The following EYA2 variants were observed in gnomAD, a reference collection of about 807,000 sequenced individuals.
EYA2 encodes the protein protein phosphatase EYA2.
Under a neutral mutation model 69.2 loss-of-function variants are expected in EYA2, and 31 were observed. That is an observed-to-expected ratio of 0.45 (90% CI 0.34 to 0.60). The LOEUF is 0.60. EYA2 is among the 20% of genes least tolerant of loss of function. The probability of loss-of-function intolerance (pLI) is 0.02; values close to 1 mark genes in which losing one functional copy is unlikely to be tolerated. For missense variants in EYA2, 622 were observed against 701.2 expected (o/e 0.89, Z 1.28); for synonymous variants, 257 against 279.4 (o/e 0.92, Z 0.80).
chr20:46,905,686 C>T (rs1352584871), intron 1 of EYA2, among the ~76,000 whole-genome samples: 2 of 152,196 alleles, frequency 1.3e-5, no homozygotes, highest in Non-Finnish European at 2.9e-5. Context: ...GGCTGGGCAG[C>T]TCCTGGAGAG....
chr20:47,117,497 C>T (rs926060705), intron 9 of EYA2: 1 of 985,292 alleles, frequency 1.0e-6, no homozygotes, highest in Non-Finnish European at 1.2e-6. Context: ...CCACAGTCCT[C>T]CCCGATTCCT....
At chr20:46,967,135 A>C (rs1979838133) in intron 1 of EYA2, among the ~76,000 whole-genome samples, 1 of 152,210 alleles carries the variant, frequency 6.6e-6, no homozygotes, top group South Asian at 2.1e-4. Flanking sequence ...CTGGGACTAC[A>C]GGCACACACC....
chr20:47,044,799 C>T (rs947859652), intron 5 of EYA2, among the ~76,000 whole-genome samples: 8 of 152,166 alleles, frequency 5.3e-5, no homozygotes, highest in African/African-American at 1.9e-4. Flanking sequence ...GAGTGACTTG[C>T]TCAAGGTCAT....
chr20:46,954,212 G>A (rs906606907), intron 1 of EYA2, among the ~76,000 whole-genome samples: 3 of 151,938 alleles, frequency 2.0e-5, no homozygotes, highest in Non-Finnish European at 4.4e-5. Context: ...ATATTTAAGC[G>A]CCTCCTGTTT....
At chr20:46,929,902 T>C (rs6124898) in intron 1 of EYA2, among the ~76,000 whole-genome samples, 1 of 152,246 alleles carries the variant, frequency 6.6e-6, no homozygotes, top group East Asian at 1.9e-4. Context: ...TTCCTAAACT[T>C]AGGTGTTCAA....
chr20:47,107,525 CAAAAAA>C (rs111607473), intron 9 of EYA2, among the ~76,000 whole-genome samples: 5 of 125,276 alleles, frequency 4.0e-5, no homozygotes, highest in Admixed American at 2.6e-4. Context: ...GACTCTGTAT[CAAAAAA>C]AAAAAAAAAA....
chr20:46,972,360 G>A (rs1389063933), intron 1 of EYA2, among the ~76,000 whole-genome samples: 2 of 152,224 alleles, frequency 1.3e-5, no homozygotes, highest in African/African-American at 2.4e-5. Context: ...CCAAAAGGTA[G>A]TTTTCCTAAT....
intron 10 of EYA2, among the ~76,000 whole-genome samples, chr20:47,152,100 G>C (rs2033834318): frequency 6.6e-6 from 1 of 152,038 alleles, no homozygotes; most frequent in Admixed American, 6.5e-5. Flanking sequence ...TCGACGAAGA[G>C]CTCAGATTCC....
chr20:46,926,623 C>T (rs1183400543), intron 1 of EYA2, among the ~76,000 whole-genome samples: 1 of 152,290 alleles, frequency 6.6e-6, no homozygotes, highest in East Asian at 1.9e-4. Flanking sequence ...CAGAAACACC[C>T]TCACAGGGAT....
In EYA2 at chr20:46,954,917, T is replaced by C. The variant is rs75108670; in HGVS notation, c.-10-35084T>C. ...ACTCGAGGTTTTTCATGTGTGTCAT[T>C]TGCCTTGATTTTGGGAGTAGGGAAG... On this transcript the variant is annotated intron_variant, in intron 1 of 15. Coordinates refer to ENST00000327619, the MANE Select transcript of EYA2 (RefSeq NM_005244.5). Among the ~76,000 whole-genome samples the C allele has an allele frequency of 1.7e-3, 260 of 152,282 alleles. 6 individuals are homozygous for C. In the East Asian group the frequency reaches 0.047, roughly 27 times the overall value.
intron 5 of EYA2, among the ~76,000 whole-genome samples, chr20:47,053,717 A>G (rs1041369237): frequency 6.6e-6 from 1 of 150,824 alleles, no homozygotes; most frequent in Non-Finnish European, 1.5e-5. Context: ...CCAAGAACCA[A>G]TCATCACCCA....
chr20:47,176,761 A>C (rs980237258), intron 12 of EYA2, among the ~76,000 whole-genome samples: 6 of 151,716 alleles, frequency 4.0e-5, no homozygotes. Flanking sequence ...AGTACTCTAC[A>C]GTGTTATGAG....
intron 7 of EYA2, among the ~76,000 whole-genome samples, chr20:47,084,609 A>T (rs2031833744): frequency 6.6e-6 from 1 of 152,196 alleles, no homozygotes; most frequent in Admixed American, 6.5e-5. Context: ...ACCAAAGAAG[A>T]TATAGGGATG....
At position 47,186,934 on chromosome 20, in the gene EYA2, A is replaced by G. The variant is rs544534490; in HGVS notation, c.1537-1119A>G. Among the ~76,000 whole-genome samples, 18 of 152,204 alleles carry G rather than the reference A, an allele frequency of 1.2e-4. No homozygotes were observed. In the South Asian group the frequency reaches 1.5e-3, roughly 12 times the overall value. On this transcript the variant is annotated intron_variant, in intron 15 of 15. Transcript: ENST00000327619. ...TCCTTCCTTTTTCCTATTTACCTAG[A>G]TATGTCCCTAGCTACTCAGGAGGCT...
intron 1 of EYA2, among the ~76,000 whole-genome samples, chr20:46,980,796 C>G (rs1425286568): frequency 6.6e-6 from 1 of 152,178 alleles, no homozygotes; most frequent in Non-Finnish European, 1.5e-5. Flanking sequence ...TCACAGTCTA[C>G]TCTCTATCTT....
At chr20:47,134,671 G>A (rs925005518) in intron 9 of EYA2, among the ~76,000 whole-genome samples, 5 of 152,078 alleles carry the variant, frequency 3.3e-5, no homozygotes, top group Non-Finnish European at 4.4e-5. Context: ...TCTATTGTAG[G>A]AATTAACAAA....
intron 2 of EYA2, among the ~76,000 whole-genome samples, chr20:46,990,734 A>G (rs1010207428): frequency 2.0e-5 from 3 of 152,232 alleles, no homozygotes; most frequent in Admixed American, 6.5e-5. Flanking sequence ...GCATTAAGCT[A>G]TTATGTTTAA....
chr20:47,081,986 C>T (rs1025506026), intron 7 of EYA2, among the ~76,000 whole-genome samples: 1 of 151,568 alleles, frequency 6.6e-6, no homozygotes, highest in African/African-American at 2.4e-5. Context: ...ATTACAGGCG[C>T]CCACTACCAT....
intron 1 of EYA2, among the ~76,000 whole-genome samples, chr20:46,966,667 G>A (rs564067340): frequency 9.7e-4 from 147 of 152,116 alleles, no homozygotes; most frequent in Non-Finnish European, 3.4e-4. Context: ...AAAATTAGCC[G>A]GGCATGGTGG....
Sources: gnomAD v4.1 joint callset for allele counts (sites outside exome capture counted in the v4.1 genomes callset) on GRCh38, gnomAD v4.1.1 for gene constraint, MANE v1.5 for transcripts, NCBI Gene and HGNC (gene_info 2026-07-23, HGNC 2026-07-21) for gene names.